Variants in ULK4 observed in about 807,000 individuals in gnomAD.
The protein encoded by ULK4 is unc-51 like kinase 4.
In ULK4, 133 loss-of-function variants were observed where a neutral mutation model predicts 160.6. The ratio of observed to expected loss-of-function variants is 0.83; its 90% CI spans 0.72 to 0.96. The LOEUF (loss-of-function observed/expected upper bound fraction) is 0.96, where lower values mean the gene tolerates loss of function less well. Among genes scored for constraint, ULK4 ranks in the 40% least tolerant of loss-of-function variants. The pLI is 0.00. For synonymous variants in ULK4, 534 were observed against 539.8 expected (o/e 0.99, Z 0.15); for missense variants, 1,580 against 1,499.5 (o/e 1.05, Z -0.89).
At chr3:41,613,103 C>G (rs1354555091) in intron 31 of ULK4, among the ~76,000 whole-genome samples, 1 of 152,182 alleles carries the variant, frequency 6.6e-6, no homozygotes, top group Admixed American at 6.5e-5. Flanking sequence ...ATGCCTTGTT[C>G]TGATCAAATC....
At chr3:41,380,340 G>A (rs1340244894) in intron 35 of ULK4, among the ~76,000 whole-genome samples, 1 of 152,178 alleles carries the variant, frequency 6.6e-6, no homozygotes, top group African/African-American at 2.4e-5. Context: ...ATGTTATAAC[G>A]TGCCATTGTG....
At position 41,911,631 on chromosome 3, in the gene ULK4, G is replaced by C. The variant is rs1698789311; in HGVS notation, c.925C>G (p.Gln309Glu). ...SRNTMECSGP[Q>E]DSKELLQNSQ... Reference sequence around the variant, plus strand: ...TTCTGCAAAAGCTCCTTGGAATCTTGTGGCCCAGAACACTCCATAGTGTTT... The same window carrying C: ...TTCTGCAAAAGCTCCTTGGAATCTTCTGGCCCAGAACACTCCATAGTGTTT... The change falls in exon 10 of 37, where the codon CAA becomes GAA. Residue 309 changes from glutamine (Q) to glutamate (E), a missense_variant. Transcript: ENST00000301831. The C allele has an allele frequency of 6.2e-7, 1 of 1,613,788 alleles. No individual in the cohort carries two copies. The highest frequency in any genetic ancestry group is 8.5e-7 in the Non-Finnish European group (1 of 1,180,030).
intron 32 of ULK4, among the ~76,000 whole-genome samples, chr3:41,541,156 G>C (rs2086682452): frequency 6.6e-6 from 1 of 152,074 alleles, no homozygotes; most frequent in Non-Finnish European, 1.5e-5. Flanking sequence ...GGTTTTTATG[G>C]TTTTATCTTA....
At chr3:41,441,303 CT>C (rs1375659501) in intron 34 of ULK4, among the ~76,000 whole-genome samples, 2 of 152,136 alleles carry the variant, frequency 1.3e-5, no homozygotes, top group Non-Finnish European at 2.9e-5. Flanking sequence ...CTCCCTCCCC[CT>C]AAGTACTGTT....
chr3:41,515,062 G>C (rs2085706802), intron 32 of ULK4, among the ~76,000 whole-genome samples: 1 of 151,958 alleles, frequency 6.6e-6, no homozygotes, highest in Non-Finnish European at 1.5e-5. Context: ...TTTGTCACCA[G>C]CCTGGCCAGC....
intron 22 of ULK4, among the ~76,000 whole-genome samples, chr3:41,750,664 C>A (rs1440087340): frequency 6.6e-6 from 1 of 152,034 alleles, no homozygotes; most frequent in African/African-American, 2.4e-5. Context: ...TGTTAAAATT[C>A]CTTCTTTGTC....
intron 27 of ULK4, among the ~76,000 whole-genome samples, chr3:41,696,005 G>A (rs1191389839): frequency 1.3e-5 from 2 of 152,174 alleles, no homozygotes; most frequent in Non-Finnish European, 2.9e-5. Flanking sequence ...TAGCGGTAAC[G>A]CCAGTGTCTG....
intron 5 of ULK4, among the ~76,000 whole-genome samples, chr3:41,924,029 AAAG>A (rs1295716652): frequency 2.0e-5 from 3 of 152,200 alleles, no homozygotes; most frequent in Non-Finnish European, 4.4e-5. Context: ...TGAAGGTTAC[AAAG>A]AAGCAAAGGC....
chr3:41,866,488 G>A (rs552199481), intron 17 of ULK4, among the ~76,000 whole-genome samples: 5 of 152,222 alleles, frequency 3.3e-5, no homozygotes, highest in Admixed American at 2.6e-4. Flanking sequence ...TACATCCCTC[G>A]CATGCGCAGT....
At chr3:41,251,038 T>G (rs2078733826) in intron 35 of ULK4, 1 of 152,194 alleles carries the variant, frequency 6.6e-6, no homozygotes, top group Non-Finnish European at 1.5e-5. Context: ...CGACCAGCCC[T>G]GCCATGAGAT....
chr3:41,541,684 C>T lies in ULK4; in HGVS notation c.3226+24341G>A, dbSNP rs74558506. Among the ~76,000 whole-genome samples the T allele has an allele frequency of 2.0e-3, 303 of 152,104 alleles. 2 individuals are homozygous for T. Among genetic ancestry groups the T allele is most frequent in the East Asian group, 0.013 (69 of 5,176 alleles). On this transcript the variant is annotated intron_variant, in intron 32 of 36. Coordinates refer to ENST00000301831, the MANE Select transcript of ULK4 (RefSeq NM_017886.4). ...AGCATGGAATGTTTTTCCATTTGTT[C>T]GTGCCCTCTCTCACCACCTTGAGCA...
At chr3:41,447,324 T>G (rs920917111) in intron 34 of ULK4, among the ~76,000 whole-genome samples, 1 of 152,108 alleles carries the variant, frequency 6.6e-6, no homozygotes, top group South Asian at 2.1e-4. Flanking sequence ...GACAGGAGAA[T>G]GCTGGAGTGT....
intron 27 of ULK4, among the ~76,000 whole-genome samples, chr3:41,703,873 C>A (rs12108058): frequency 0.042 from 5,527 of 130,536 alleles, 388 homozygotes; most frequent in African/African-American, 0.19. Flanking sequence ...CACACACACA[C>A]ACAAGTTAAC....
Position 41,705,069 on chromosome 3 carries a change from G to C in ULK4, c.2769C>G (p.Asp923Glu), listed in dbSNP as rs747511722. 1 of 1,611,424 alleles carries C rather than the reference G, an allele frequency of 6.2e-7. No individual in the cohort carries two copies. The highest frequency in any genetic ancestry group is 1.3e-5 in the African/African-American group (1 of 74,904). The change falls in exon 27 of 37, where the codon GAC becomes GAG. Residue 923 changes from aspartate to glutamate, a missense_variant. Coordinates refer to ENST00000301831, the MANE Select transcript of ULK4 (RefSeq NM_017886.4). ...TGCCAGAACTGACCGTGGAGCGATA[G>C]TCTTTCAATAAAATAGGATACTGTA... ...AIIQYPILLK[D>E]YRSTVVDYIL...
At chr3:41,313,563 G>A (rs1040703086) in intron 35 of ULK4, among the ~76,000 whole-genome samples, 1 of 151,796 alleles carries the variant, frequency 6.6e-6, no homozygotes, top group African/African-American at 2.4e-5. Flanking sequence ...TCTTCTTTGG[G>A]TTTATTCTAT....
At chr3:41,754,216 T>A (rs1218069333) in intron 22 of ULK4, 145 bp downstream of exon 22, 2 of 905,112 alleles carry the variant, frequency 2.2e-6, no homozygotes, top group Non-Finnish European at 1.6e-6. Context: ...ACTTCCAAGC[T>A]GAGATTACAG....
intron 35 of ULK4, among the ~76,000 whole-genome samples, chr3:41,394,591 T>C (rs953568758): frequency 6.6e-6 from 1 of 151,952 alleles, no homozygotes; most frequent in Non-Finnish European, 1.5e-5. Flanking sequence ...AAGTGAAAAA[T>C]AGAATGGTCG....
chr3:41,254,505 G>T (rs1161742384), intron 35 of ULK4, among the ~76,000 whole-genome samples: 1 of 152,176 alleles, frequency 6.6e-6, no homozygotes, highest in Non-Finnish European at 1.5e-5. Context: ...TGCTTAGAGG[G>T]AAATCTATAG....
At chr3:41,484,539 G>A (rs1030579903) in intron 32 of ULK4, among the ~76,000 whole-genome samples, 7 of 148,988 alleles carry the variant, frequency 4.7e-5, no homozygotes, top group Middle Eastern at 3.6e-3. Flanking sequence ...TGCAAGCTCC[G>A]CCTCCCGGGT....
Sources: gnomAD v4.1 joint callset for allele counts (sites outside exome capture counted in the v4.1 genomes callset) on GRCh38, gnomAD v4.1.1 for gene constraint, MANE v1.5 for transcripts, NCBI Gene and HGNC (gene_info 2026-07-23, HGNC 2026-07-21) for gene names.